The following EVA1C variants were observed in gnomAD, a reference collection of about 807,000 sequenced individuals.
EVA1C encodes eva-1 homolog C, also known as protein eva-1 homolog C.
EVA1C carries 25 observed loss-of-function variants against 45.4 expected under a neutral mutation model. That is an observed-to-expected ratio of 0.55 (90% CI 0.40 to 0.77). The LOEUF is 0.77. EVA1C is among the 30% of genes least tolerant of loss of function. The pLI is 0.00. For synonymous variants in EVA1C, 190 were observed against 221.2 expected (o/e 0.86, Z 1.25); for missense variants, 479 against 554.8 (o/e 0.86, Z 1.37).
chr21:32,421,409 T>C (rs192032446), intron 1 of EVA1C, among the ~76,000 whole-genome samples: 13 of 152,276 alleles, frequency 8.5e-5, no homozygotes, highest in Admixed American at 8.5e-4. Context: ...AGCCTTCTTG[T>C]AAAGAAAGAT....
At chr21:32,480,041 C>A (rs573848483) in intron 4 of EVA1C, among the ~76,000 whole-genome samples, 261 of 152,146 alleles carry the variant, frequency 1.7e-3, no homozygotes, top group African/African-American at 6.1e-3. Flanking sequence ...AACAAAGCAA[C>A]CTACTTCCAA....
At chr21:32,414,265 T>C (rs1568850539) in intron 1 of EVA1C, among the ~76,000 whole-genome samples, 1 of 151,856 alleles carries the variant, frequency 6.6e-6, no homozygotes, top group East Asian at 1.9e-4. Context: ...GTGGTAAGAG[T>C]TGTGGGGAAA....
intron 4 of EVA1C, among the ~76,000 whole-genome samples, chr21:32,483,502 C>T (rs2036864279): frequency 6.6e-6 from 1 of 152,132 alleles, no homozygotes; most frequent in African/African-American, 2.4e-5. Context: ...TGGAGTACTC[C>T]ACTCCCAGGC....
At chr21:32,478,253 C>T (rs953857959) in intron 4 of EVA1C, among the ~76,000 whole-genome samples, 3 of 152,020 alleles carry the variant, frequency 2.0e-5, no homozygotes, top group African/African-American at 7.2e-5. Flanking sequence ...ACGTCTCACT[C>T]TGTCGCCCAG....
rs906836721 is a variant in EVA1C at position 32,497,082 on chromosome 21, GC to G, written c.778+1913del. ...GGAATGTCATTGGACAGGATGGTCTGCTTTTTAAAGTGACTGGGCTTCATTA... is the reference window on the plus strand; with the variant it reads ...GGAATGTCATTGGACAGGATGGTCTGTTTTTAAAGTGACTGGGCTTCATTA... On this transcript the variant is annotated intron_variant, in intron 5 of 7. Coordinates refer to ENST00000300255, the MANE Select transcript of EVA1C (RefSeq NM_058187.5). 6 of 989,878 alleles carry G rather than the reference GC, an allele frequency of 6.1e-6. No individual in the cohort carries two copies. In the African/African-American group the frequency reaches 7.9e-5, roughly 13 times the overall value. 61.3% of individuals were successfully genotyped at this position (989,878 alleles called of 1,614,324 possible).
intron 1 of EVA1C, among the ~76,000 whole-genome samples, chr21:32,438,486 C>CAA (rs35688820): frequency 0.05 from 2,711 of 54,662 alleles, 174 homozygotes; most frequent in African/African-American, 0.14. Context: ...GACTCTGTCT[C>CAA]AAAAAAAAAA....
chr21:32,511,592 C>G (rs1032862763), intron 7 of EVA1C, among the ~76,000 whole-genome samples: 3 of 151,976 alleles, frequency 2.0e-5, no homozygotes, highest in African/African-American at 7.3e-5. Context: ...AGGTACAGAT[C>G]AGGGGAACAC....
chr21:32,435,419 C>T (rs1302168052), intron 1 of EVA1C, among the ~76,000 whole-genome samples: 4 of 152,230 alleles, frequency 2.6e-5, no homozygotes, highest in Non-Finnish European at 5.9e-5. Flanking sequence ...GCCTCAGTAG[C>T]CCCTCCTGAG....
Position 32,515,379 on chromosome 21 carries a change from G to T in EVA1C, c.*189G>T. On this transcript the variant is annotated 3_prime_UTR_variant, in exon 8 of 8. Coordinates refer to ENST00000300255, the MANE Select transcript of EVA1C (RefSeq NM_058187.5). Reference sequence around the variant, plus strand: ...AGCACATTCCAAAATAAATGAGGAGGGAAGAGTCTTTGTTTTCTGTATTTC... The same window carrying T: ...AGCACATTCCAAAATAAATGAGGAGTGAAGAGTCTTTGTTTTCTGTATTTC... The T allele has an allele frequency of 6.3e-6, 3 of 474,114 alleles. No homozygotes were observed. The highest frequency in any genetic ancestry group is 3.3e-5 in the East Asian group (1 of 30,572). 29.4% of individuals were successfully genotyped at this position (474,114 alleles called of 1,614,324 possible).
At chr21:32,458,071 C>T (rs574545589) in intron 3 of EVA1C, among the ~76,000 whole-genome samples, 8 of 152,306 alleles carry the variant, frequency 5.3e-5, no homozygotes, top group African/African-American at 1.9e-4. Context: ...GCTGGTTCTG[C>T]GTTTCAGAGG....
chr21:32,429,110 G>A (rs1376600603), intron 1 of EVA1C, among the ~76,000 whole-genome samples: 4 of 148,186 alleles, frequency 2.7e-5, no homozygotes, highest in South Asian at 2.1e-4. Context: ...CGGCAACCTC[G>A]CCTCCCGGGT....
At chr21:32,454,467 G>A (rs1446199551) in intron 2 of EVA1C, among the ~76,000 whole-genome samples, 2 of 152,040 alleles carry the variant, frequency 1.3e-5, no homozygotes, top group Non-Finnish European at 1.5e-5. Context: ...TATAGGAGAA[G>A]GTCAAACTAA....
intron 1 of EVA1C, among the ~76,000 whole-genome samples, chr21:32,423,070 C>CAA (rs3056306): frequency 0.33 from 27,631 of 84,812 alleles, 8,301 homozygotes; most frequent in Non-Finnish European, 0.45. Context: ...GACTCTGTCT[C>CAA]AAAAAAAAAA....
At chr21:32,445,199 C>G (rs552408184) in intron 1 of EVA1C, among the ~76,000 whole-genome samples, 2 of 152,184 alleles carry the variant, frequency 1.3e-5, no homozygotes, top group East Asian at 1.9e-4. Context: ...GTCACTTGTC[C>G]GGCTAAGGGA....
intron 4 of EVA1C, among the ~76,000 whole-genome samples, chr21:32,492,738 G>A (rs2833852): frequency 0.17 from 26,071 of 150,672 alleles, 3,081 homozygotes; most frequent in African/African-American, 0.31. Flanking sequence ...TTATGATCGT[G>A]TCCTTCAAAC....
intron 1 of EVA1C, among the ~76,000 whole-genome samples, chr21:32,448,895 A>G (rs557762668): frequency 6.6e-6 from 1 of 151,476 alleles, no homozygotes; most frequent in Middle Eastern, 3.4e-3. Flanking sequence ...GGTGACAAAG[A>G]AAAAAAAAGA....
chr21:32,428,007 A>G (rs112184371), intron 1 of EVA1C, among the ~76,000 whole-genome samples: 175 of 152,214 alleles, frequency 1.1e-3, no homozygotes, highest in African/African-American at 3.7e-3. Flanking sequence ...TTTGTCCTCC[A>G]TGTCCCTTGT....
intron 1 of EVA1C, among the ~76,000 whole-genome samples, chr21:32,437,548 C>T (rs991218832): frequency 6.6e-6 from 1 of 152,240 alleles, no homozygotes; most frequent in African/African-American, 2.4e-5. Flanking sequence ...CTTAGCAAGG[C>T]ACTGCTTATT....
chr21:32,466,481 G>A (rs1305689634), intron 3 of EVA1C, among the ~76,000 whole-genome samples: 1 of 148,372 alleles, frequency 6.7e-6, no homozygotes, highest in Non-Finnish European at 1.5e-5. Flanking sequence ...TGGTTTTGGA[G>A]TACATTCTTT....
Sources: gnomAD v4.1 joint callset for allele counts (sites outside exome capture counted in the v4.1 genomes callset) on GRCh38, gnomAD v4.1.1 for gene constraint, MANE v1.5 for transcripts, NCBI Gene and HGNC (gene_info 2026-07-23, HGNC 2026-07-21) for gene names.